Variants in CNTNAP2 observed in about 807,000 individuals in gnomAD.
The protein encoded by CNTNAP2 is contactin associated protein 2, also known as contactin-associated protein-like 2.
A neutral mutation model predicts 155.2 loss-of-function variants in CNTNAP2; 98 were observed. The observed-to-expected ratio is 0.63, with a 90% CI of 0.54 to 0.75. The LOEUF is 0.75. CNTNAP2 is among the 30% of genes least tolerant of loss of function. CNTNAP2 has a pLI of 0.00. For missense variants in CNTNAP2, 1,727 were observed against 1,688.1 expected, an observed-to-expected ratio of 1.02 and a Z score of -0.40; for synonymous variants, 651 against 631.2, an observed-to-expected ratio of 1.03 and a Z score of -0.47.
chr7:148,338,165 A>G (rs1464846392), intron 21 of CNTNAP2, among the ~76,000 whole-genome samples: 1 of 152,180 alleles, frequency 6.6e-6, no homozygotes, highest in Non-Finnish European at 1.5e-5. Context: ...CCACAATGTC[A>G]TGTTATATAA....
chr7:147,072,679 G>A (rs1456656193), intron 4 of CNTNAP2, among the ~76,000 whole-genome samples: 2 of 152,050 alleles, frequency 1.3e-5, no homozygotes, highest in Non-Finnish European at 2.9e-5. Flanking sequence ...TGCTGGAAAT[G>A]CCTCCCATGT....
At chr7:146,890,558 T>A (rs1461382864) in intron 3 of CNTNAP2, among the ~76,000 whole-genome samples, 2 of 152,226 alleles carry the variant, frequency 1.3e-5, no homozygotes, top group Non-Finnish European at 2.9e-5. Flanking sequence ...TGTTGAGTTA[T>A]AATTTATTTT....
intron 3 of CNTNAP2, among the ~76,000 whole-genome samples, chr7:146,947,020 T>G (rs1797191368): frequency 6.6e-6 from 1 of 152,066 alleles, no homozygotes; most frequent in Non-Finnish European, 1.5e-5. Context: ...AATAAAAATA[T>G]CAATTTATTT....
intron 4 of CNTNAP2, among the ~76,000 whole-genome samples, chr7:147,086,025 C>T (rs904211330): frequency 1.3e-5 from 2 of 152,060 alleles, no homozygotes; most frequent in African/African-American, 4.8e-5. Flanking sequence ...GGTAGAAAAA[C>T]CCAGTGGGGC....
chr7:146,911,834 G>A (rs1400036415), intron 3 of CNTNAP2, among the ~76,000 whole-genome samples: 1 of 151,950 alleles, frequency 6.6e-6, no homozygotes, highest in African/African-American at 2.4e-5. Context: ...ATAAAATTTG[G>A]TTTACAATCT....
intron 1 of CNTNAP2, among the ~76,000 whole-genome samples, chr7:146,207,721 C>T (rs1192742090): frequency 2.9e-5 from 4 of 139,676 alleles, no homozygotes; most frequent in East Asian, 2.2e-4. Context: ...TTCCAAATAA[C>T]GAAAGAGTGG....
intron 1 of CNTNAP2, among the ~76,000 whole-genome samples, chr7:146,537,301 A>T (rs1584970429): frequency 6.6e-6 from 1 of 152,148 alleles, no homozygotes; most frequent in African/African-American, 2.4e-5. Flanking sequence ...AGTTTTCAAA[A>T]TAAGTATCTG....
At chr7:146,165,166 G>A (rs538924544) in intron 1 of CNTNAP2, among the ~76,000 whole-genome samples, 21 of 151,656 alleles carry the variant, frequency 1.4e-4, no homozygotes, top group Non-Finnish European at 2.4e-4. Context: ...TTGTTATCTT[G>A]GAAAAACATA....
At chr7:148,112,122 A>G (rs1379215929) in intron 15 of CNTNAP2, among the ~76,000 whole-genome samples, 3 of 152,200 alleles carry the variant, frequency 2.0e-5, no homozygotes, top group Non-Finnish European at 4.4e-5. Context: ...AGATGGCCTG[A>G]TGTGTGCAAT....
intron 4 of CNTNAP2, among the ~76,000 whole-genome samples, chr7:147,088,392 A>G (rs1186568828): frequency 6.6e-6 from 1 of 152,210 alleles, no homozygotes; most frequent in African/African-American, 2.4e-5. Context: ...AGAACAAAAA[A>G]TAGATGTTTT....
Position 147,259,953 on chromosome 7 carries a change from G to C in CNTNAP2, c.1349-40188G>C, listed in dbSNP as rs529634481. Among the ~76,000 whole-genome samples, 12 of 152,294 alleles carry C rather than the reference G, an allele frequency of 7.9e-5. No homozygotes were observed. The East Asian group carries it at 2.1e-3, about 27-fold the overall frequency. On this transcript the variant is annotated intron_variant, in intron 8 of 23. Transcript: ENST00000361727. ...GTTTAGTGCTTATAGCTGTAACTGA[G>C]TACATTTTCCACTATCCCTCCCTCC... is the stretch of plus-strand genomic sequence containing the variant.
intron 14 of CNTNAP2, 88 bp from the exon 15 acceptor site, chr7:147,977,774 C>A (rs1801455113): frequency 1.3e-6 from 2 of 1,552,310 alleles, no homozygotes; most frequent in South Asian, 2.2e-5. Flanking sequence ...ACTGAAATGT[C>A]ATCATTAGAC....
chr7:146,720,913 C>A (rs1284998328), intron 1 of CNTNAP2, among the ~76,000 whole-genome samples: 1 of 137,906 alleles, frequency 7.3e-6, no homozygotes, highest in Non-Finnish European at 1.5e-5. Context: ...TATATATATA[C>A]TCTCTATATA....
chr7:146,295,689 A>G (rs572002085), intron 1 of CNTNAP2, among the ~76,000 whole-genome samples: 3 of 152,240 alleles, frequency 2.0e-5, no homozygotes, highest in African/African-American at 7.2e-5. Flanking sequence ...TATTGGTTAG[A>G]TGAATCTTGT....
At chr7:147,330,861 T>C (rs1266116568) in intron 9 of CNTNAP2, among the ~76,000 whole-genome samples, 2 of 152,112 alleles carry the variant, frequency 1.3e-5, no homozygotes, top group East Asian at 3.9e-4. Flanking sequence ...GCTTATCAAA[T>C]TTACAGATGA....
At chr7:146,432,877 C>G (rs1796191592) in intron 1 of CNTNAP2, among the ~76,000 whole-genome samples, 1 of 152,146 alleles carries the variant, frequency 6.6e-6, no homozygotes, top group Non-Finnish European at 1.5e-5. Flanking sequence ...GACTTTGGAG[C>G]ACTAATGAGT....
intron 1 of CNTNAP2, among the ~76,000 whole-genome samples, chr7:146,234,284 A>G (rs1385746956): frequency 6.6e-6 from 1 of 152,176 alleles, no homozygotes; most frequent in African/African-American, 2.4e-5. Flanking sequence ...GTATCTGTTC[A>G]TGTCCTTCGC....
chr7:147,740,998 T>A (rs890228813), intron 13 of CNTNAP2, among the ~76,000 whole-genome samples: 1 of 152,160 alleles, frequency 6.6e-6, no homozygotes, highest in African/African-American at 2.4e-5. Flanking sequence ...CCCCCAATGG[T>A]CATTGGTTAC....
chr7:147,259,057 G>A (rs1205422572), intron 8 of CNTNAP2, among the ~76,000 whole-genome samples: 1 of 152,188 alleles, frequency 6.6e-6, no homozygotes, highest in East Asian at 1.9e-4. Flanking sequence ...TATATTTTAA[G>A]TCAGCATCTT....
Sources: allele counts gnomAD v4.1 joint callset (sites outside exome capture counted in the v4.1 genomes callset), GRCh38; gene constraint gnomAD v4.1.1; transcripts MANE v1.5; gene names NCBI Gene and HGNC (gene_info 2026-07-23, HGNC 2026-07-21).